MEIKIN: variants seen among roughly 807,000 people sequenced by gnomAD.
MEIKIN encodes the protein meiotic kinetochore factor.
At chr5:131,854,368 T>C (rs547786361) in intron 10 of MEIKIN, among the ~76,000 whole-genome samples, 2 of 152,242 alleles carry the variant, frequency 1.3e-5, no homozygotes, top group East Asian at 3.9e-4. Context: ...TTAATGCATA[T>C]GGAATTTCAG....
intron 8 of MEIKIN, among the ~76,000 whole-genome samples, chr5:131,893,151 A>G (rs1235059628): frequency 2.7e-5 from 4 of 149,876 alleles, no homozygotes; most frequent in Non-Finnish European, 6.0e-5. Flanking sequence ...TGCAGAGGTT[A>G]CTGCTGCGTT....
At chr5:131,878,026 G>C (rs1750644841) in intron 9 of MEIKIN, among the ~76,000 whole-genome samples, 1 of 152,152 alleles carries the variant, frequency 6.6e-6, no homozygotes, top group African/African-American at 2.4e-5. Flanking sequence ...AGCTGTTTCA[G>C]TTATCAGATC....
intron 8 of MEIKIN, among the ~76,000 whole-genome samples, chr5:131,904,716 C>T (rs1751215972): frequency 6.6e-6 from 1 of 152,086 alleles, no homozygotes; most frequent in Non-Finnish European, 1.5e-5. Flanking sequence ...GCACTGTTCA[C>T]AATAGCAAAG....
At chr5:131,917,563 CA>C (rs546218361) in intron 6 of MEIKIN, among the ~76,000 whole-genome samples, 23,145 of 76,676 alleles carry the variant, frequency 0.3, 1,656 homozygotes, top group East Asian at 0.5. Context: ...TACTCCATCT[CA>C]AAAAAAAAAA....
intron 9 of MEIKIN, among the ~76,000 whole-genome samples, chr5:131,869,277 C>A (rs1750443477): frequency 6.6e-6 from 1 of 152,184 alleles, no homozygotes; most frequent in Admixed American, 6.5e-5. Context: ...TGTCAAAGAT[C>A]AGTTGACTAT....
chr5:131,903,170 T>C (rs980083870), intron 8 of MEIKIN, among the ~76,000 whole-genome samples: 9 of 152,218 alleles, frequency 5.9e-5, no homozygotes, highest in African/African-American at 1.9e-4. Context: ...GCCTAATCTA[T>C]GAGTCATTGG....
chr5:131,811,317 C>T (rs1459459393), intron 12 of MEIKIN, among the ~76,000 whole-genome samples: 1 of 150,552 alleles, frequency 6.6e-6, no homozygotes, highest in Non-Finnish European at 1.5e-5. Flanking sequence ...AAGAGTGTTG[C>T]TAGTGTTATT....
chr5:131,828,284 T>A (rs1020536783), intron 11 of MEIKIN, among the ~76,000 whole-genome samples: 2 of 152,088 alleles, frequency 1.3e-5, no homozygotes, highest in African/African-American at 4.8e-5. Context: ...CATCTCAGCC[T>A]CCTGAGTAGC....
intron 11 of MEIKIN, among the ~76,000 whole-genome samples, chr5:131,841,630 T>C (rs1749915919): frequency 6.6e-6 from 1 of 152,188 alleles, no homozygotes; most frequent in Admixed American, 6.5e-5. Context: ...CTGTGAAAAA[T>C]TACATGGGAA....
chr5:131,835,016 G>T (rs1201854780), intron 11 of MEIKIN, among the ~76,000 whole-genome samples: 5 of 151,906 alleles, frequency 3.3e-5, no homozygotes, highest in Non-Finnish European at 7.4e-5. Flanking sequence ...ATCTCTCATT[G>T]TAGTTTTGAT....
At chr5:131,810,364 G>A (rs1772930629) in intron 12 of MEIKIN, among the ~76,000 whole-genome samples, 1 of 152,124 alleles carries the variant, frequency 6.6e-6, no homozygotes, top group South Asian at 2.1e-4. Context: ...AAGGATAGCT[G>A]CAGGTTTTGT....
At position 131,853,998 on chromosome 5, in the gene MEIKIN, C is replaced by T. The variant is rs138046660; in HGVS notation, c.855+756G>A. Among the ~76,000 whole-genome samples the T allele has an allele frequency of 3.6e-3, 552 of 152,230 alleles. 4 individuals are homozygous for T. The highest frequency in any genetic ancestry group is 0.013 in the African/African-American group (524 of 41,550). On this transcript the variant is annotated intron_variant, in intron 10 of 12. Transcript: ENST00000442687. ...TAGCAATTCCACTTCTAGATACATA[C>T]CCAAAGAATTGAAAGCAGGGACTCA...
At chr5:131,834,531 G>C (rs1047734034) in intron 11 of MEIKIN, among the ~76,000 whole-genome samples, 1 of 152,026 alleles carries the variant, frequency 6.6e-6, no homozygotes, top group Admixed American at 6.6e-5. Flanking sequence ...TCTACTCTCT[G>C]CTTCTGTGTG....
At chr5:131,881,760 A>G (rs1284298383) in intron 8 of MEIKIN, among the ~76,000 whole-genome samples, 6 of 152,232 alleles carry the variant, frequency 3.9e-5, no homozygotes, top group African/African-American at 1.4e-4. Flanking sequence ...AAATATTTCC[A>G]GCACCTGGGA....
At chr5:131,825,090 C>T (rs77138546) in intron 11 of MEIKIN, among the ~76,000 whole-genome samples, 4,021 of 152,064 alleles carry the variant, frequency 0.026, 185 homozygotes, top group African/African-American at 0.092. Flanking sequence ...GTCCCAGCCA[C>T]TCAAGAGGCT....
chr5:131,904,565 G>C (rs1385153818), intron 8 of MEIKIN, among the ~76,000 whole-genome samples: 1 of 152,156 alleles, frequency 6.6e-6, no homozygotes. Flanking sequence ...TAGTGTAAAA[G>C]TATTAAAGAC....
intron 12 of MEIKIN, among the ~76,000 whole-genome samples, chr5:131,812,359 T>G (rs1772974195): frequency 6.6e-6 from 1 of 152,168 alleles, no homozygotes; most frequent in South Asian, 2.1e-4. Context: ...TGAACACTGA[T>G]GCTATTAATA....
intron 4 of MEIKIN, among the ~76,000 whole-genome samples, chr5:131,935,383 G>A (rs1751760954): frequency 6.6e-6 from 1 of 151,306 alleles, no homozygotes; most frequent in African/African-American, 2.4e-5. Flanking sequence ...TTTGAACAGA[G>A]AATCTTCCCA....
chr5:131,879,502 C>T (rs531926187), intron 8 of MEIKIN, among the ~76,000 whole-genome samples: 7 of 152,274 alleles, frequency 4.6e-5, no homozygotes, highest in African/African-American at 1.7e-4. Flanking sequence ...TACCTGTTTA[C>T]TGCAACTTTT....
Sources: allele counts gnomAD v4.1 joint callset (sites outside exome capture counted in the v4.1 genomes callset), GRCh38; gene constraint gnomAD v4.1.1; transcripts MANE v1.5; gene names NCBI Gene and HGNC (gene_info 2026-07-23, HGNC 2026-07-21).